Variants in MYBL2 observed in about 807,000 individuals in gnomAD.
MYBL2 encodes the protein myb-related protein B.
A neutral mutation model predicts 79.9 loss-of-function variants in MYBL2; 28 were observed. The ratio of observed to expected loss-of-function variants is 0.35; its 90% CI spans 0.26 to 0.48. The LOEUF (loss-of-function observed/expected upper bound fraction) is 0.48, where lower values mean the gene tolerates loss of function less well. MYBL2 is among the 20% of genes least tolerant of loss of function. The probability of loss-of-function intolerance (pLI) is 0.99; values close to 1 mark genes in which losing one functional copy is unlikely to be tolerated. For synonymous variants in MYBL2, 378 were observed against 361.2 expected (o/e 1.05, Z -0.53); for missense variants, 735 against 893.9 (o/e 0.82, Z 2.27).
At chr20:43,701,283 TTC>T (rs148849466) in intron 7 of MYBL2, among the ~76,000 whole-genome samples, 26,076 of 152,202 alleles carry the variant, frequency 0.17, 2,814 homozygotes, top group East Asian at 0.31. Flanking sequence ...TAGGATGTAC[TTC>T]TGGTCTACCA....
Position 43,674,907 on chromosome 20 carries a change from T to C in MYBL2, c.114+1008T>C, listed in dbSNP as rs142155183. Among the ~76,000 whole-genome samples the C allele has an allele frequency of 4.6e-5, 7 of 152,350 alleles. No homozygotes were observed. In the East Asian group the frequency reaches 1.3e-3, roughly 29 times the overall value. On this transcript the variant is annotated intron_variant, in intron 2 of 13. Transcript: ENST00000217026. ...ATCAAGCCCTGAATTGGTTTCCTTC[T>C]AGCTCCATCTTTTTATTTTATAATA...
chr20:43,674,226 C>CG (rs1555809915), intron 2 of MYBL2, among the ~76,000 whole-genome samples: 1 of 106,182 alleles, frequency 9.4e-6, no homozygotes, highest in East Asian at 3.3e-4. Flanking sequence ...TCTGTAACTC[C>CG]CCCCACCCTT....
rs1171894632 is a variant in MYBL2, at chr20:43,699,744, T to A, written c.664-13T>A. On this transcript the variant is annotated splice_polypyrimidine_tract_variant and intron_variant, in intron 6 of 13. Transcript: ENST00000217026. ...TCAGCGAAATGCAAATGGTGTATTC[T>A]TGTGTCTTACAGGGAAGTCTTCTGA... 1.9e-6 allele frequency: 3 copies of A among 1,613,648 alleles called. No individual in the cohort carries two copies. The highest frequency in any genetic ancestry group is 4.5e-5 in the East Asian group (2 of 44,888).
intron 13 of MYBL2, 103 bp from the exon 14 acceptor site, chr20:43,715,856 G>C: frequency 7.0e-7 from 1 of 1,428,426 alleles, no homozygotes; most frequent in African/African-American, 1.4e-5. Context: ...TGGCTTCTAG[G>C]GGAGGGAGGC....
intron 10 of MYBL2, among the ~76,000 whole-genome samples, chr20:43,711,209 T>A (rs1987897088): frequency 6.6e-6 from 1 of 152,192 alleles, no homozygotes; most frequent in Non-Finnish European, 1.5e-5. Flanking sequence ...TTCTACCTGC[T>A]TAAAATGACG....
intron 6 of MYBL2, among the ~76,000 whole-genome samples, chr20:43,693,464 G>A (rs775134632): frequency 3.3e-5 from 5 of 151,988 alleles, no homozygotes; most frequent in African/African-American, 4.8e-5. Context: ...TCAGCATCCC[G>A]AGTAGCTGGG....
chr20:43,713,824 T>C (rs1003988398), intron 12 of MYBL2, among the ~76,000 whole-genome samples: 1 of 152,216 alleles, frequency 6.6e-6, no homozygotes, highest in African/African-American at 2.4e-5. Context: ...TTGTTGCCTG[T>C]GCAGAGCCTG....
Position 43,716,273 on chromosome 20 carries a change from C to T in MYBL2, c.*186C>T, listed in dbSNP as rs1450102992. ...CCCTGTTGCCGAGCCCAGCTGTGGG[C>T]GGCTCCTGGTGCTAACAACAAAGTT... is the stretch of plus-strand genomic sequence containing the variant. On this transcript the variant is annotated 3_prime_UTR_variant, in exon 14 of 14. Coordinates refer to ENST00000217026, the MANE Select transcript of MYBL2 (RefSeq NM_002466.4). The T allele has an allele frequency of 3.8e-5, 33 of 869,018 alleles. No homozygotes were observed. Among genetic ancestry groups the T allele is most frequent in the East Asian group, 1.5e-4 (5 of 33,728 alleles). The allele number at this position is 869,018 out of a possible 1,614,324, so 53.8% of individuals were successfully genotyped here.
chr20:43,688,456 A>G (rs1003965723), intron 5 of MYBL2, among the ~76,000 whole-genome samples: 5 of 151,880 alleles, frequency 3.3e-5, no homozygotes, highest in Non-Finnish European at 7.4e-5. Context: ...CAGCCTCACA[A>G]AGTGTTGGGA....
At position 43,707,619 on chromosome 20, in the gene MYBL2, C is replaced by G. The variant is rs546397557; in HGVS notation, c.1505+2261C>G. 6.6e-5 allele frequency among the ~76,000 whole-genome samples: 10 copies of G among 152,214 alleles called. No individual in the cohort carries two copies. The East Asian group carries it at 1.9e-3, about 29-fold the overall frequency. On this transcript the variant is annotated intron_variant, in intron 9 of 13. Transcript: ENST00000217026. Reference sequence around the variant, plus strand: ...ATATTGGCCAGGCTGGTCTCGAACTCCTGACTCAAATGGCCTGCCTCGGCC... The same window carrying G: ...ATATTGGCCAGGCTGGTCTCGAACTGCTGACTCAAATGGCCTGCCTCGGCC...
At chr20:43,691,324 A>G (rs1432613859) in intron 5 of MYBL2, among the ~76,000 whole-genome samples, 5 of 151,086 alleles carry the variant, frequency 3.3e-5, no homozygotes, top group Admixed American at 3.3e-4. Context: ...TTTTTTTTTC[A>G]TTTTTATTTA....
intron 5 of MYBL2, among the ~76,000 whole-genome samples, chr20:43,687,407 A>G (rs1238690324): frequency 6.6e-6 from 1 of 152,222 alleles, no homozygotes; most frequent in African/African-American, 2.4e-5. Context: ...CTAACACAGA[A>G]TAGGCTTGAG....
intron 4 of MYBL2, among the ~76,000 whole-genome samples, chr20:43,683,476 A>G (rs568683755): frequency 7.2e-5 from 11 of 151,726 alleles, no homozygotes; most frequent in Admixed American, 7.2e-4. Context: ...CTTCTCCTCG[A>G]TACCAGCCCA....
At chr20:43,694,546 C>G (rs1987487853) in intron 6 of MYBL2, among the ~76,000 whole-genome samples, 1 of 152,098 alleles carries the variant, frequency 6.6e-6, no homozygotes, top group Non-Finnish European at 1.5e-5. Context: ...AGTTACAATT[C>G]TTCCACAATG....
intron 1 of MYBL2, among the ~76,000 whole-genome samples, chr20:43,671,034 T>A (rs1176965284): frequency 6.6e-6 from 1 of 151,190 alleles, no homozygotes; most frequent in Non-Finnish European, 1.5e-5. Context: ...AGTGGCACGA[T>A]CTTGACTCAC....
chr20:43,686,670 G>A (rs867896204), intron 4 of MYBL2, among the ~76,000 whole-genome samples, 182 bp from the exon 5 acceptor site: 1 of 152,176 alleles, frequency 6.6e-6, no homozygotes, highest in African/African-American at 2.4e-5. Context: ...CCTCAGGTAG[G>A]CCCTGTGGGC....
intron 9 of MYBL2, among the ~76,000 whole-genome samples, chr20:43,706,717 A>ATTTT (rs553045264): frequency 5.2e-5 from 5 of 95,292 alleles, no homozygotes; most frequent in Admixed American, 1.3e-4. Flanking sequence ...AAAAAAAAAA[A>ATTTT]AGTTTTTTTT....
At chr20:43,702,163 G>A (rs1385878552) in intron 7 of MYBL2, among the ~76,000 whole-genome samples, 2 of 152,116 alleles carry the variant, frequency 1.3e-5, no homozygotes, top group African/African-American at 2.4e-5. Flanking sequence ...GCCGAGAATG[G>A]TGGTACATGT....
At chr20:43,678,269 C>T (rs1170277807) in intron 2 of MYBL2, among the ~76,000 whole-genome samples, 1 of 151,314 alleles carries the variant, frequency 6.6e-6, no homozygotes, top group African/African-American at 2.4e-5. Context: ...GCCAAATCCC[C>T]CTCTGCGAGA....
Sources: allele counts gnomAD v4.1 joint callset (sites outside exome capture counted in the v4.1 genomes callset), GRCh38; gene constraint gnomAD v4.1.1; transcripts MANE v1.5; gene names NCBI Gene and HGNC (gene_info 2026-07-23, HGNC 2026-07-21).